NEK9: variants seen among roughly 807,000 people sequenced by gnomAD.
The protein encoded by NEK9 is serine/threonine-protein kinase Nek9.
NEK9 carries 75 observed loss-of-function variants against 123.4 expected under a neutral mutation model. The ratio of observed to expected loss-of-function variants is 0.61; its 90% CI spans 0.50 to 0.74. NEK9 has a LOEUF of 0.74. NEK9 is among the 30% of genes least tolerant of loss of function. The probability of loss-of-function intolerance (pLI) is 0.00; values close to 1 mark genes in which losing one functional copy is unlikely to be tolerated. For synonymous variants in NEK9, 438 were observed against 458.7 expected, an observed-to-expected ratio of 0.95 and a Z score of 0.58; for missense variants, 952 against 1,214.4, an observed-to-expected ratio of 0.78 and a Z score of 3.21.
chr14:75,113,257 CTCTT>C lies in NEK9; in HGVS notation c.938+78_938+81del, dbSNP rs1426741774. The stretch of plus-strand genomic sequence containing the variant: ...ATTGCAACCAAGTCAGGAAACACTA[CTCTT>C]TCTTTTAGTACTCTGATCAAGCCTC... On this transcript the variant is annotated intron_variant, in intron 8 of 21. Transcript: ENST00000238616. 9.4e-6 allele frequency: 10 copies of C among 1,063,314 alleles called. No homozygotes were observed. In the Admixed American group the frequency reaches 1.2e-4, roughly 13 times the overall value. 65.9% of individuals were successfully genotyped at this position (1,063,314 alleles called of 1,614,324 possible). A position where few individuals can be genotyped will look rare whatever the true frequency, so the allele number is the denominator to read the frequency against.
chr14:75,118,769 TAC>T, intron 5 of NEK9, 59 bp downstream of exon 5: 1 of 931,470 alleles, frequency 1.1e-6, no homozygotes, highest in Non-Finnish European at 1.7e-6. Context: ...ATTTAGGGAG[TAC>T]AGTTATATTT....
chr14:75,079,945 GT>G lies in NEK9; in HGVS notation c.*4618del, dbSNP rs1455964901. The stretch of plus-strand genomic sequence containing the variant: ...AGTGCTTTCTAAAAAGGAAGCAGTT[GT>G]TTGCTCTCATTTTGCTAAAGAAATA... On this transcript the variant is annotated 3_prime_UTR_variant, in exon 22 of 22. Coordinates refer to ENST00000238616, the MANE Select transcript of NEK9 (RefSeq NM_033116.6). 2 of 152,168 alleles carry G rather than the reference GT, an allele frequency of 1.3e-5. No homozygotes were observed. The highest frequency in any genetic ancestry group is 2.4e-5 in the African/African-American group (1 of 41,432). 9.4% of individuals were successfully genotyped at this position (152,168 alleles called of 1,614,324 possible).
At position 75,126,892 on chromosome 14, in the gene NEK9, G is replaced by A; in HGVS notation, c.30C>T (p.His10=). Residue 10 remains histidine (H), a synonymous_variant, in exon 1 of 22, where the codon CAC becomes CAT. Transcript: ENST00000238616. ...CAAAGTCCGAGTTGATGGAATCGCA[G>A]TGTCGCTCGTACTCGCCCAGCACCG... MSVLGEYER[H]CDSINSDFGS... 1 of 1,521,118 alleles carries A rather than the reference G, an allele frequency of 6.6e-7. No individual in the cohort carries two copies. The highest frequency in any genetic ancestry group is 8.8e-7 in the Non-Finnish European group (1 of 1,133,322). The allele number at this position is 1,521,118 out of a possible 1,614,324, so 94.2% of individuals were successfully genotyped here. A position where few individuals can be genotyped will look rare whatever the true frequency, so the allele number is the denominator to read the frequency against.
At position 75,103,826 on chromosome 14, in the gene NEK9, C is replaced by T. The variant is rs776086240; in HGVS notation, c.1731+16G>A. ...AATTCTGATGATGTGGTTAGAACAC[C>T]AATCAGGACACTCACTTCATGGTTG... On this transcript the variant is annotated intron_variant, in intron 14 of 21. Transcript: ENST00000238616. 6.3e-7 allele frequency: 1 copy of T among 1,595,142 alleles called. No homozygotes were observed. Among genetic ancestry groups the T allele is most frequent in the Admixed American group, 1.8e-5 (1 of 56,474 alleles).
At chr14:75,105,134 G>A (rs1024754024) in intron 13 of NEK9, among the ~76,000 whole-genome samples, 3 of 152,052 alleles carry the variant, frequency 2.0e-5, no homozygotes, top group African/African-American at 7.2e-5. Context: ...TGCATGTGTG[G>A]GGTCACAATG....
At chr14:75,089,165 C>CA (rs1234973110) in intron 19 of NEK9, among the ~76,000 whole-genome samples, 1 of 152,062 alleles carries the variant, frequency 6.6e-6, no homozygotes. Context: ...CTTTGGGACT[C>CA]AAATAATCCT....
At chr14:75,126,288 C>G (rs574218768) in intron 1 of NEK9, among the ~76,000 whole-genome samples, 2 of 151,944 alleles carry the variant, frequency 1.3e-5, no homozygotes, top group Non-Finnish European at 2.9e-5. Flanking sequence ...CTCCTCACCC[C>G]GACCTTGGAG....
rs749764426 is a variant in NEK9 at position 75,113,330 on chromosome 14, A to T, written c.938+9T>A. The T allele has an allele frequency of 8.7e-6, 14 of 1,608,680 alleles. No individual in the cohort carries two copies. The highest frequency in any genetic ancestry group is 1.7e-6 in the Non-Finnish European group (2 of 1,175,316). ...GAAAAGACAATGGAGTGACTTCTTC[A>T]TAATTTACCTCCTGCGTTTCCTGAG... On this transcript the variant is annotated intron_variant, in intron 8 of 21. Coordinates refer to ENST00000238616, the MANE Select transcript of NEK9 (RefSeq NM_033116.6).
chr14:75,118,647 T>C (rs1395684609), intron 5 of NEK9, among the ~76,000 whole-genome samples, 183 bp downstream of exon 5: 1 of 152,238 alleles, frequency 6.6e-6, no homozygotes, highest in Non-Finnish European at 1.5e-5. Context: ...AGGTCAGAGC[T>C]GTAACGTGGG....
intron 16 of NEK9, among the ~76,000 whole-genome samples, chr14:75,098,055 C>T (rs535076306): frequency 2.0e-5 from 3 of 152,232 alleles, no homozygotes; most frequent in South Asian, 4.1e-4. Flanking sequence ...TTAAGAGAAT[C>T]CCTCTGTCTA....
At position 75,105,472 on chromosome 14, in the gene NEK9, G is replaced by A. The variant is rs150451509; in HGVS notation, c.1575+478C>T. 6.3e-3 allele frequency among the ~76,000 whole-genome samples: 954 copies of A among 152,302 alleles called. 6 individuals are homozygous for A. Among genetic ancestry groups the A allele is most frequent in the African/African-American group, 0.022 (921 of 41,568 alleles). On this transcript the variant is annotated intron_variant, in intron 13 of 21. Transcript: ENST00000238616. ...TATCAGCCTCTGTGAGCCTCTCACA[G>A]GGCCAGCTCTGGCAAGGCTGAGAGT...
At chr14:75,121,017 A>G in intron 3 of NEK9, 102 bp downstream of exon 3, 1 of 980,322 alleles carries the variant, frequency 1.0e-6, no homozygotes, top group Non-Finnish European at 1.6e-6. Flanking sequence ...TCTGAACAAA[A>G]GGAAAAAAAC....
At chr14:75,126,643 G>T in intron 1 of NEK9, 60 bp downstream of exon 1, 1 of 1,294,248 alleles carries the variant, frequency 7.7e-7, no homozygotes, top group Non-Finnish European at 1.0e-6. Flanking sequence ...GGGCCGAGAA[G>T]GAGGGACTCG....
chr14:75,115,033 G>A (rs1895085176), intron 6 of NEK9, among the ~76,000 whole-genome samples: 1 of 147,084 alleles, frequency 6.8e-6, no homozygotes, highest in African/African-American at 2.5e-5. Context: ...GTGTATATAT[G>A]TATATGTGCA....
At chr14:75,106,430 T>C in intron 12 of NEK9, 72 bp downstream of exon 12, 1 of 1,335,058 alleles carries the variant, frequency 7.5e-7, no homozygotes, top group Non-Finnish European at 1.1e-6. Context: ...GCATGATGGG[T>C]TTAGATGCAT....
intron 3 of NEK9, 37 bp downstream of exon 3, chr14:75,121,082 T>C: frequency 6.6e-7 from 1 of 1,517,340 alleles, no homozygotes; most frequent in Non-Finnish European, 9.2e-7. Context: ...ATTACAACAC[T>C]ACAATTCTAA....
intron 18 of NEK9, 93 bp downstream of exon 18, chr14:75,095,279 C>G: frequency 1.3e-6 from 1 of 786,602 alleles, no homozygotes; most frequent in Non-Finnish European, 2.1e-6. Context: ...AAAGACATTT[C>G]CCATTTTCCT....
intron 12 of NEK9, 113 bp from the exon 13 acceptor site, chr14:75,106,109 A>T: frequency 2.2e-6 from 2 of 927,838 alleles, no homozygotes; most frequent in Middle Eastern, 4.4e-4. Context: ...TAATCCCAGC[A>T]CTTTGGGAGG....
chr14:75,081,118 G>C lies in NEK9; in HGVS notation c.*3446C>G, dbSNP rs1253690189. ...GCCACAACACCCAGCTAATTTTTTT[G>C]TATTTTTAGTAGAGACGGGATTTCA... On this transcript the variant is annotated 3_prime_UTR_variant, in exon 22 of 22. Transcript: ENST00000238616. The surrounding 1 kb of genome is among the most constrained non-coding windows in gnomAD (Gnocchi z 4.2). The C allele has an allele frequency of 6.6e-6, 1 of 151,112 alleles. No individual in the cohort carries two copies. The highest frequency in any genetic ancestry group is 1.5e-5 in the Non-Finnish European group (1 of 67,946). 9.4% of individuals were successfully genotyped at this position (151,112 alleles called of 1,614,324 possible).
Sources: gnomAD v4.1 joint callset for allele counts (sites outside exome capture counted in the v4.1 genomes callset) on GRCh38, gnomAD v4.1.1 for gene constraint, Gnocchi (gnomAD v3.1) non-coding constraint, MANE v1.5 for transcripts, NCBI Gene and HGNC (gene_info 2026-07-23, HGNC 2026-07-21) for gene names.